LDLRAD3: variants seen among roughly 807,000 people sequenced by gnomAD.
LDLRAD3 encodes the protein low-density lipoprotein receptor class A domain-containing protein 3.
A neutral mutation model predicts 29.4 loss-of-function variants in LDLRAD3; 20 were observed. That is an observed-to-expected ratio of 0.68 (90% confidence interval 0.48 to 0.99). The LOEUF (loss-of-function observed/expected upper bound fraction) is 0.99. Among genes scored for constraint, LDLRAD3 ranks in the 50% least tolerant of loss-of-function variants. LDLRAD3 has a pLI of 0.00. For synonymous variants in LDLRAD3, 157 were observed against 192.7 expected, an observed-to-expected ratio of 0.81 and a Z score of 1.53; for missense variants, 420 against 454.3, an observed-to-expected ratio of 0.92 and a Z score of 0.69.
intron 2 of LDLRAD3, among the ~76,000 whole-genome samples, chr11:36,076,218 A>ATCCG (rs139213994): frequency 0.29 from 37,561 of 129,416 alleles, 5,032 homozygotes; most frequent in Admixed American, 0.34. Flanking sequence ...CTGTCTGTCC[A>ATCCG]TCCGTCCATC....
At chr11:36,139,347 A>G (rs1854046853) in intron 4 of LDLRAD3, among the ~76,000 whole-genome samples, 1 of 152,186 alleles carries the variant, frequency 6.6e-6, no homozygotes, top group Non-Finnish European at 1.5e-5. Context: ...TCCGTCAATT[A>G]TAGATGATCC....
chr11:36,100,237 C>G (rs188994776), intron 4 of LDLRAD3, among the ~76,000 whole-genome samples: 163 of 152,248 alleles, frequency 1.1e-3, no homozygotes, highest in Non-Finnish European at 2.1e-3. Flanking sequence ...GGTTTATAAT[C>G]CTGCCATTTG....
intron 2 of LDLRAD3, among the ~76,000 whole-genome samples, chr11:36,043,329 T>G (rs1852406380): frequency 1.3e-5 from 2 of 152,116 alleles, no homozygotes; most frequent in African/African-American, 4.8e-5. Context: ...ACCCCAAAAA[T>G]TATTATATAG....
chr11:36,036,701 A>G (rs1246494796), intron 2 of LDLRAD3, among the ~76,000 whole-genome samples: 1 of 152,208 alleles, frequency 6.6e-6, no homozygotes, highest in Admixed American at 6.5e-5. Flanking sequence ...TAAATGAGGC[A>G]TAGCATCCTG....
chr11:36,001,374 A>G (rs1003379134), intron 1 of LDLRAD3, among the ~76,000 whole-genome samples: 6 of 152,166 alleles, frequency 3.9e-5, no homozygotes, highest in African/African-American at 1.2e-4. Flanking sequence ...TGTGTTCTTG[A>G]TATGTAAAAT....
intron 4 of LDLRAD3, among the ~76,000 whole-genome samples, chr11:36,176,702 C>T (rs1168689252): frequency 3.3e-5 from 5 of 152,100 alleles, no homozygotes; most frequent in Non-Finnish European, 5.9e-5. Context: ...GATAGGTTTT[C>T]CTTTATAGGT....
intron 1 of LDLRAD3, among the ~76,000 whole-genome samples, chr11:36,034,417 T>C (rs1009357484): frequency 6.6e-6 from 1 of 152,038 alleles, no homozygotes; most frequent in African/African-American, 2.4e-5. Context: ...TAGGGGTTGA[T>C]AGATTGAGGA....
chr11:35,967,617 T>A (rs1435215111), intron 1 of LDLRAD3: 1 of 459,504 alleles, frequency 2.2e-6, no homozygotes, highest in African/African-American at 2.0e-5. Context: ...TCAGCTTCAT[T>A]TTCAACTTCT....
intron 1 of LDLRAD3, chr11:35,968,566 C>A: frequency 4.6e-6 from 1 of 217,614 alleles, no homozygotes; most frequent in South Asian, 8.9e-5. Flanking sequence ...CCTCTGAATT[C>A]TGCACTTCAC....
chr11:36,010,773 A>G (rs1055455076), intron 1 of LDLRAD3, among the ~76,000 whole-genome samples: 1 of 152,098 alleles, frequency 6.6e-6, no homozygotes, highest in Non-Finnish European at 1.5e-5. Flanking sequence ...GCATTCCATG[A>G]TGCTTCCCCT....
rs1363387874 is a variant in LDLRAD3 at position 35,944,823 on chromosome 11, C to T, written c.46+679C>T. Among the ~76,000 whole-genome samples the T allele has an allele frequency of 1.3e-5, 2 of 152,220 alleles. No individual in the cohort carries two copies. Among genetic ancestry groups the T allele is most frequent in the African/African-American group, 4.8e-5 (2 of 41,460 alleles). ...ATGGGCGCCCTGACCGGCGAGGGGC[C>T]CTGGGAGAGGACACGGGGCTTCATC... On this transcript the variant is annotated intron_variant, in intron 1 of 5. Coordinates refer to ENST00000315571, the MANE Select transcript of LDLRAD3 (RefSeq NM_174902.4). This position sits in a 1 kb window ranked among gnomAD's most constrained non-coding sequence, Gnocchi z 4.9.
intron 3 of LDLRAD3, among the ~76,000 whole-genome samples, chr11:36,086,535 GT>G (rs938267162): frequency 1.3e-5 from 2 of 152,148 alleles, no homozygotes; most frequent in Non-Finnish European, 2.9e-5. Flanking sequence ...CCTACCAGTA[GT>G]TTGTGAGTTC....
chr11:36,070,567 A>G (rs1449852620), intron 2 of LDLRAD3, among the ~76,000 whole-genome samples: 1 of 152,146 alleles, frequency 6.6e-6, no homozygotes, highest in Admixed American at 6.5e-5. Flanking sequence ...TGATTCTTGG[A>G]GCGGCAATAA....
Position 36,003,645 on chromosome 11 carries a change from A to G in LDLRAD3, c.47-32458A>G, listed in dbSNP as rs138401519. Among the ~76,000 whole-genome samples, 382 of 152,338 alleles carry G rather than the reference A, an allele frequency of 2.5e-3. 2 individuals are homozygous for G. The highest frequency in any genetic ancestry group is 8.1e-3 in the African/African-American group (335 of 41,570). On this transcript the variant is annotated intron_variant, in intron 1 of 5. Coordinates refer to ENST00000315571, the MANE Select transcript of LDLRAD3 (RefSeq NM_174902.4). ...GGGTAGAACCTCTGCCTATGGTCCTACTACATTATAGCCACTGAGAAAGTG... is the reference window on the plus strand; with the variant it reads ...GGGTAGAACCTCTGCCTATGGTCCTGCTACATTATAGCCACTGAGAAAGTG...
At chr11:36,162,198 A>G (rs1324796663) in intron 4 of LDLRAD3, among the ~76,000 whole-genome samples, 1 of 152,128 alleles carries the variant, frequency 6.6e-6, no homozygotes. Flanking sequence ...GGTGCTGGGG[A>G]AAAAGTTGAG....
intron 4 of LDLRAD3, among the ~76,000 whole-genome samples, chr11:36,195,723 A>T (rs961287422): frequency 1.3e-5 from 2 of 152,146 alleles, no homozygotes; most frequent in Non-Finnish European, 2.9e-5. Context: ...GGAAAAATAT[A>T]TTCTAAATCC....
In LDLRAD3 at chr11:36,044,391, GC is replaced by G. The variant is rs149955682; in HGVS notation, c.193+8144del. ...AGCTAATATGAGGCTTGTAGCTGGT[GC>G]CTGGTGTGAGTTAAGCATTCAGTGA... On this transcript the variant is annotated intron_variant, in intron 2 of 5. Coordinates refer to ENST00000315571, the MANE Select transcript of LDLRAD3 (RefSeq NM_174902.4). Among the ~76,000 whole-genome samples the G allele has an allele frequency of 6.2e-3, 941 of 152,276 alleles. 5 individuals carry two copies. Among genetic ancestry groups the G allele is most frequent in the African/African-American group, 0.021 (893 of 41,548 alleles).
intron 1 of LDLRAD3, among the ~76,000 whole-genome samples, chr11:35,971,425 C>T (rs1336283945): frequency 6.9e-6 from 1 of 145,894 alleles, no homozygotes; most frequent in Non-Finnish European, 1.5e-5. Context: ...ATTAAGTTAC[C>T]TGTTAGGCTG....
At chr11:36,096,657 G>A (rs911903137) in intron 3 of LDLRAD3, among the ~76,000 whole-genome samples, 6 of 152,266 alleles carry the variant, frequency 3.9e-5, no homozygotes, top group East Asian at 1.9e-4. Flanking sequence ...GATTAATGCC[G>A]TAAGTAGCAG....
Sources: gnomAD v4.1 joint callset for allele counts (sites outside exome capture counted in the v4.1 genomes callset) on GRCh38, gnomAD v4.1.1 for gene constraint, Gnocchi (gnomAD v3.1) non-coding constraint, MANE v1.5 for transcripts, NCBI Gene and HGNC (gene_info 2026-07-23, HGNC 2026-07-21) for gene names.